CNOT1: variants seen among roughly 807,000 people sequenced by gnomAD.
The protein encoded by CNOT1 is CCR4-NOT transcription complex subunit 1, also known as CCR4-associated factor 1.
Under a neutral mutation model 273.8 loss-of-function variants are expected in CNOT1, and 15 were observed. That is an observed-to-expected ratio of 0.05 (90% CI 0.04 to 0.08). The LOEUF (loss-of-function observed/expected upper bound fraction) is 0.08, where lower values mean the gene tolerates loss of function less well. CNOT1 is among the 10% of genes least tolerant of loss of function. The pLI, the probability that CNOT1 is intolerant of heterozygous loss-of-function variation, is 1.00. For synonymous variants in CNOT1, 1,022 were observed against 1,005.5 expected (o/e 1.02, Z -0.31); for missense variants, 1,644 against 2,912.2 (o/e 0.56, Z 10.02).
At chr16:58,601,734 TA>T (rs66711143) in intron 1 of CNOT1, among the ~76,000 whole-genome samples, 5,689 of 91,396 alleles carry the variant, frequency 0.062, 295 homozygotes, top group Middle Eastern at 0.14. Flanking sequence ...ATACCCACCT[TA>T]AAAAAAAAAA....
In CNOT1 at chr16:58,614,104, A is replaced by G. The variant is rs960258477; in HGVS notation, c.-174-14593T>C. 2.6e-4 allele frequency among the ~76,000 whole-genome samples: 31 copies of G among 120,516 alleles called. 9 individuals are homozygous for G. The highest frequency in any genetic ancestry group is 5.9e-4 in the Non-Finnish European group (30 of 51,096). 79.1% of individuals were successfully genotyped at this position (120,516 alleles called of 152,430 possible). On this transcript the variant is annotated intron_variant, in intron 1 of 48. Transcript: ENST00000317147. The stretch of plus-strand genomic sequence containing the variant: ...GAGACACTGTCTCAAAAAAAAAAAA[A>G]AAGAAAAGAAAATTACTCTCAAAAC...
intron 2 of CNOT1, among the ~76,000 whole-genome samples, chr16:58,596,780 C>A (rs1228191713): frequency 6.8e-6 from 1 of 146,780 alleles, no homozygotes; most frequent in South Asian, 2.2e-4. Flanking sequence ...CCCAGCTACT[C>A]GGGAGGCTGA....
intron 16 of CNOT1, among the ~76,000 whole-genome samples, chr16:58,563,864 C>A (rs1423686589): frequency 6.6e-6 from 1 of 152,184 alleles, no homozygotes. Flanking sequence ...TCTGACACAT[C>A]CACTTCTAGT....
At chr16:58,582,969 A>C (rs1597506854) in intron 9 of CNOT1, 66 bp from the exon 10 acceptor site, 1 of 1,611,060 alleles carries the variant, frequency 6.2e-7, no homozygotes, top group East Asian at 2.2e-5. Context: ...GGTCGATAGA[A>C]CAATCAATCA....
At chr16:58,568,754 G>C (rs937900558) in intron 16 of CNOT1, among the ~76,000 whole-genome samples, 5 of 152,114 alleles carry the variant, frequency 3.3e-5, no homozygotes, top group Non-Finnish European at 4.4e-5. Flanking sequence ...GCCTGGCTTA[G>C]TGCTGAATTG....
intron 14 of CNOT1, 98 bp from the exon 15 acceptor site, chr16:58,575,227 A>C: frequency 6.7e-7 from 1 of 1,503,350 alleles, no homozygotes; most frequent in African/African-American, 1.4e-5. Flanking sequence ...AAGTTCAAAT[A>C]AAACACACTG....
chr16:58,582,994 T>TA lies in CNOT1; in HGVS notation c.933+61dup, dbSNP rs144285925. 103,491 of 1,596,646 alleles carry TA rather than the reference T, an allele frequency of 0.065. 3,508 individuals are homozygous for TA. The highest frequency in any genetic ancestry group is 0.1 in the Middle Eastern group (625 of 5,966). Reference sequence around the variant, plus strand: ...ACAATCAATCATACTGTAATTTAATTAAAAAAAAATAAAGAGGACAGGACA... The same window carrying TA: ...ACAATCAATCATACTGTAATTTAATTAAAAAAAAAATAAAGAGGACAGGACA... On this transcript the variant is annotated intron_variant, in intron 9 of 48. Transcript: ENST00000317147.
At chr16:58,557,965 G>A (rs1026324793) in intron 18 of CNOT1, among the ~76,000 whole-genome samples, 1 of 152,104 alleles carries the variant, frequency 6.6e-6, no homozygotes, top group Non-Finnish European at 1.5e-5. Flanking sequence ...ACTCCAGCCT[G>A]GGCAACAAGA....
chr16:58,617,075 C>G (rs2043115399), intron 1 of CNOT1, among the ~76,000 whole-genome samples: 2 of 152,132 alleles, frequency 1.3e-5, no homozygotes, highest in Admixed American at 1.3e-4. Context: ...AAACATCTTG[C>G]AAGAGGCCAG....
intron 18 of CNOT1, among the ~76,000 whole-genome samples, chr16:58,558,152 A>T (rs1183407413): frequency 6.6e-6 from 1 of 152,160 alleles, no homozygotes; most frequent in Non-Finnish European, 1.5e-5. Flanking sequence ...TGAATTCATA[A>T]AGCTGTGAGT....
intron 1 of CNOT1, among the ~76,000 whole-genome samples, chr16:58,603,407 A>ATGTGTGTGTGTGTGTGTGTGTG (rs2042543737): frequency 7.9e-6 from 1 of 126,292 alleles, no homozygotes; most frequent in Non-Finnish European, 1.6e-5. Context: ...TACAATTTAA[A>ATGTGTGTGTGTGTGTGTGTGTG]AGTGTGTGTG....
At chr16:58,555,992 T>C (rs1345858111) in intron 19 of CNOT1, 84 bp from the exon 20 acceptor site, 26 of 1,550,784 alleles carry the variant, frequency 1.7e-5, no homozygotes, top group East Asian at 9.0e-5. Context: ...GAGACTATTA[T>C]AGCTCTAACT....
chr16:58,554,002 G>C lies in CNOT1; in HGVS notation c.2892-142C>G, dbSNP rs2040542040. Reference sequence around the variant, plus strand: ...TATTTGAAGAAAATGTCAAAGTGAAGAAAACAAAAATAGAAGGAGAAAATA... The same window carrying C: ...TATTTGAAGAAAATGTCAAAGTGAACAAAACAAAAATAGAAGGAGAAAATA... On this transcript the variant is annotated intron_variant, in intron 21 of 48. Transcript: ENST00000317147. 1.6e-5 allele frequency: 19 copies of C among 1,188,704 alleles called. No individual in the cohort carries two copies. In the South Asian group the frequency reaches 4.7e-4, roughly 29 times the overall value. 73.6% of individuals were successfully genotyped at this position (1,188,704 alleles called of 1,614,324 possible).
chr16:58,604,903 G>A (rs185961837), intron 1 of CNOT1, among the ~76,000 whole-genome samples: 27 of 150,298 alleles, frequency 1.8e-4, no homozygotes, highest in East Asian at 1.6e-3. Flanking sequence ...TTGCGAGGCC[G>A]AGGCAGGTGG....
intron 2 of CNOT1, chr16:58,597,820 G>A: frequency 2.8e-5 from 12 of 435,972 alleles, no homozygotes; most frequent in South Asian, 2.2e-4. Flanking sequence ...CAACCCATGT[G>A]AAGCAGTCGA....
At chr16:58,527,169 C>T (rs2039619455) in intron 44 of CNOT1, among the ~76,000 whole-genome samples, 1 of 152,038 alleles carries the variant, frequency 6.6e-6, no homozygotes, top group African/African-American at 2.4e-5. Flanking sequence ...ATCTAATTAA[C>T]CTCAAATCGA....
chr16:58,593,968 G>C (rs1243090871), intron 2 of CNOT1, among the ~76,000 whole-genome samples: 3 of 152,238 alleles, frequency 2.0e-5, no homozygotes, highest in Admixed American at 2.0e-4. Flanking sequence ...GGCAAGGCCA[G>C]GCATGGTGGC....
chr16:58,538,124 T>C, intron 37 of CNOT1, 34 bp downstream of exon 37: 1 of 1,610,852 alleles, frequency 6.2e-7, no homozygotes. Context: ...CTTCCCTGAG[T>C]CCTTTTGTCC....
Position 58,520,835 on chromosome 16 carries a change from C to CAGAT in CNOT1, c.*119_*122dup. 1.0e-6 allele frequency: 1 copy of CAGAT among 956,644 alleles called. No individual in the cohort carries two copies. The highest frequency in any genetic ancestry group is 1.6e-5 in the African/African-American group (1 of 62,436). The allele number at this position is 956,644 out of a possible 1,614,324, so 59.3% of individuals were successfully genotyped here. Reference sequence around the variant, plus strand: ...AGGCTGATCCCAACAGTAGTTGGGGCAGATACCCACAAACCAAAGGGCTGG... The same window carrying CAGAT: ...AGGCTGATCCCAACAGTAGTTGGGGCAGATAGATACCCACAAACCAAAGGGCTGG... On this transcript the variant is annotated 3_prime_UTR_variant, in exon 49 of 49. Coordinates refer to ENST00000317147, the MANE Select transcript of CNOT1 (RefSeq NM_016284.5).
Sources: gnomAD v4.1 joint callset for allele counts (sites outside exome capture counted in the v4.1 genomes callset) on GRCh38, gnomAD v4.1.1 for gene constraint, MANE v1.5 for transcripts, NCBI Gene and HGNC (gene_info 2026-07-23, HGNC 2026-07-21) for gene names.